Variants in SPOCK2 observed in about 807,000 individuals in gnomAD.
SPOCK2 encodes SPARC (osteonectin), cwcv and kazal like domains proteoglycan 2, also known as testican-2.
In SPOCK2, 39 loss-of-function variants were observed where a neutral mutation model predicts 60.1. That is an observed-to-expected ratio of 0.65 (90% CI 0.50 to 0.85). The LOEUF (loss-of-function observed/expected upper bound fraction) is 0.85, where lower values mean the gene tolerates loss of function less well. SPOCK2 is among the 40% of genes least tolerant of loss of function. The pLI, the probability that SPOCK2 is intolerant of heterozygous loss-of-function variation, is 0.00. For synonymous variants in SPOCK2, 217 were observed against 231.5 expected (o/e 0.94, Z 0.57); for missense variants, 523 against 567.4 (o/e 0.92, Z 0.80).
intron 1 of SPOCK2, 90 bp downstream of exon 1, chr10:72,088,050 C>A: frequency 6.6e-7 from 1 of 1,503,956 alleles, no homozygotes; most frequent in South Asian, 1.2e-5. Context: ...CCTCGGGCTG[C>A]GACGTGCGGC....
At chr10:72,081,121 G>A (rs1179011704) in intron 1 of SPOCK2, among the ~76,000 whole-genome samples, 2 of 152,310 alleles carry the variant, frequency 1.3e-5, no homozygotes, top group African/African-American at 4.8e-5. Context: ...CGTGGTGCAG[G>A]GGAAGAGCCC....
intron 1 of SPOCK2, among the ~76,000 whole-genome samples, chr10:72,084,766 A>G (rs1234485189): frequency 6.6e-6 from 1 of 152,176 alleles, no homozygotes; most frequent in African/African-American, 2.4e-5. Context: ...CTACAACCAT[A>G]AAATGGTAGG....
rs144605108 is a variant in SPOCK2, at chr10:72,061,711, T to C, written c.*1049A>G. On this transcript the variant is annotated 3_prime_UTR_variant, in exon 11 of 11. Transcript: ENST00000373109. ...CCAGCAAGGGGGATGGAGGCAGGAG[T>C]TGCACCAAGGGGGAGCCAGGCAGAG... 4.9e-3 allele frequency: 752 copies of C among 152,168 alleles called. 9 individuals carry two copies. The highest frequency in any genetic ancestry group is 8.2e-3 in the Non-Finnish European group (560 of 68,332). The allele number at this position is 152,168 out of a possible 1,614,324, so 9.4% of individuals were successfully genotyped here.
chr10:72,086,519 TG>T (rs1202710415), intron 1 of SPOCK2: 1 of 1,120,988 alleles, frequency 8.9e-7, no homozygotes, highest in Non-Finnish European at 1.1e-6. Flanking sequence ...CAGTGACACA[TG>T]GATTCCGGAT....
At chr10:72,063,286 G>T in intron 9 of SPOCK2, 124 bp from the exon 10 acceptor site, 1 of 1,385,376 alleles carries the variant, frequency 7.2e-7, no homozygotes, top group Non-Finnish European at 9.6e-7. Context: ...AGCCAGACCG[G>T]GTGCTGACCC....
At chr10:72,073,142 G>A (rs766012925) in intron 1 of SPOCK2, among the ~76,000 whole-genome samples, 57 of 152,332 alleles carry the variant, frequency 3.7e-4, no homozygotes, top group South Asian at 1.0e-3. Flanking sequence ...AGGAGTAGCA[G>A]GGGCCCGTGG....
chr10:72,063,953 T>C (rs1343034347), intron 9 of SPOCK2, among the ~76,000 whole-genome samples: 1 of 152,232 alleles, frequency 6.6e-6, no homozygotes, highest in Non-Finnish European at 1.5e-5. Flanking sequence ...TGGATGGGCA[T>C]AAAATTAGTG....
intron 6 of SPOCK2, 83 bp downstream of exon 6, chr10:72,068,104 C>T: frequency 6.8e-7 from 1 of 1,475,484 alleles, no homozygotes; most frequent in African/African-American, 1.4e-5. Context: ...CTCTGCACAC[C>T]TCTTCTACCA....
At chr10:72,063,751 A>G (rs547547079) in intron 9 of SPOCK2, among the ~76,000 whole-genome samples, 1 of 152,328 alleles carries the variant, frequency 6.6e-6, no homozygotes, top group East Asian at 1.9e-4. Flanking sequence ...CCTTCTTGCC[A>G]TCCGCTCAGA....
rs1840581095 is a variant in SPOCK2, at chr10:72,067,120, C to T, written c.710G>A (p.Gly237Glu). 1 of 1,613,102 alleles carries T rather than the reference C, an allele frequency of 6.2e-7. No homozygotes were observed. Among genetic ancestry groups the T allele is most frequent in the Non-Finnish European group, 8.5e-7 (1 of 1,179,728 alleles). The change falls in exon 8 of 11, where the codon GGG becomes GAG. Residue 237 changes from glycine (G) to glutamate (E), a missense_variant and splice_region_variant. Gly to Glu is a moderately conservative substitution (Grantham distance 98, BLOSUM62 -2). Coordinates refer to ENST00000373109, the MANE Select transcript of SPOCK2 (RefSeq NM_001244950.2). The stretch of plus-strand genomic sequence containing the variant: ...GCTGGCCCCCAGGCTCTTGTCCAGC[C>T]CTGGGAAAAGATCAGGTTCAGGCAC... ...SASSVAGPASGLDKSLGASCK... is the reference protein window; with the variant it reads ...SASSVAGPASELDKSLGASCK...
chr10:72,077,096 C>A (rs1335894564), intron 1 of SPOCK2, among the ~76,000 whole-genome samples: 2 of 152,092 alleles, frequency 1.3e-5, no homozygotes, highest in East Asian at 1.9e-4. Flanking sequence ...GGTGACTGCA[C>A]CTTAGAATCA....
At chr10:72,073,023 T>C (rs1840670236) in intron 1 of SPOCK2, 113 bp from the exon 2 acceptor site, 1 of 1,467,444 alleles carries the variant, frequency 6.8e-7, no homozygotes, top group African/African-American at 1.4e-5. Context: ...CCCTGCCTCA[T>C]CATGTGGCCG....
intron 1 of SPOCK2, among the ~76,000 whole-genome samples, chr10:72,077,611 T>C (rs1190683605): frequency 6.6e-6 from 1 of 152,196 alleles, no homozygotes; most frequent in Non-Finnish European, 1.5e-5. Flanking sequence ...ATATTTTGCT[T>C]ATGTTCTTGG....
chr10:72,072,337 C>T, intron 3 of SPOCK2, 79 bp from the exon 4 acceptor site: 1 of 1,450,196 alleles, frequency 6.9e-7, no homozygotes, highest in South Asian at 1.4e-5. Context: ...GCTGGGAGGC[C>T]TCTCCCTCCA....
chr10:72,080,488 T>C (rs1414801656), intron 1 of SPOCK2, among the ~76,000 whole-genome samples: 5 of 151,936 alleles, frequency 3.3e-5, no homozygotes, highest in African/African-American at 1.2e-4. Flanking sequence ...ACAGAAGGAC[T>C]CAGAAAAGAG....
chr10:72,082,853 C>CAAA (rs770751183), intron 1 of SPOCK2, among the ~76,000 whole-genome samples: 248 of 44,960 alleles, frequency 5.5e-3, no homozygotes, highest in Middle Eastern at 0.033. Flanking sequence ...GACCCTGTCT[C>CAAA]AAAAAAAAAA....
In SPOCK2 at chr10:72,062,693, G is replaced by A. The variant is rs566171084; in HGVS notation, c.*67C>T. 1.5e-3 allele frequency: 2,243 copies of A among 1,543,032 alleles called. 48 individuals carry two copies. In the South Asian group the frequency reaches 0.025, roughly 17 times the overall value. On this transcript the variant is annotated 3_prime_UTR_variant, in exon 11 of 11. Coordinates refer to ENST00000373109, the MANE Select transcript of SPOCK2 (RefSeq NM_001244950.2). This position sits in a 1 kb window ranked among gnomAD's most constrained non-coding sequence, Gnocchi z 4.3. ...TGACTGCATTTCTGGATCCGTTCTC[G>A]AAGTTGCCTGCTGCTGCTCAGAGCT...
chr10:72,083,182 T>C (rs534751904), intron 1 of SPOCK2, among the ~76,000 whole-genome samples: 1 of 152,320 alleles, frequency 6.6e-6, no homozygotes, highest in East Asian at 1.9e-4. Context: ...TCCCCTAATC[T>C]GGTCACAGGT....
chr10:72,080,418 G>A (rs1045932334), intron 1 of SPOCK2, among the ~76,000 whole-genome samples: 32 of 152,212 alleles, frequency 2.1e-4, no homozygotes, highest in Non-Finnish European at 1.6e-4. Context: ...CCCAGGACTG[G>A]AGAGAAGCTT....
Sources: gnomAD v4.1 joint callset for allele counts (sites outside exome capture counted in the v4.1 genomes callset) on GRCh38, gnomAD v4.1.1 for gene constraint, Gnocchi (gnomAD v3.1) non-coding constraint, MANE v1.5 for transcripts, NCBI Gene and HGNC (gene_info 2026-07-23, HGNC 2026-07-21) for gene names.